The following ARHGEF11 variants were observed in gnomAD, a reference collection of about 807,000 sequenced individuals.
ARHGEF11 encodes the protein Rho guanine exchange factor (GEF) 11.
ARHGEF11 carries 55 observed loss-of-function variants against 193.7 expected under a neutral mutation model. The observed-to-expected ratio is 0.28, with a 90% CI of 0.23 to 0.36. The LOEUF is 0.36. Ranked by LOEUF, ARHGEF11 falls within the 10% of genes least tolerant of loss-of-function variation. The pLI is 1.00. For synonymous variants in ARHGEF11, 693 were observed against 768.0 expected (o/e 0.90, Z 1.62); for missense variants, 1,723 against 2,005.6 (o/e 0.86, Z 2.69).
Position 156,948,143 on chromosome 1 carries a change from A to C in ARHGEF11, c.2153+38T>G. The C allele has an allele frequency of 1.3e-6, 2 of 1,544,460 alleles. No homozygotes were observed. Among genetic ancestry groups the C allele is most frequent in the Non-Finnish European group, 1.7e-6 (2 of 1,143,844 alleles). Reference sequence around the variant, plus strand: ...GCAGCTGGGTGTGGATGGGACACAGAGACACCAAACAGAGGCACCACCGTG... The same window carrying C: ...GCAGCTGGGTGTGGATGGGACACAGCGACACCAAACAGAGGCACCACCGTG... On this transcript the variant is annotated intron_variant, in intron 24 of 40. Coordinates refer to ENST00000368194, the MANE Select transcript of ARHGEF11 (RefSeq NM_198236.3). This position sits in a 1 kb window ranked among gnomAD's most constrained non-coding sequence, Gnocchi z 4.2.
At chr1:157,028,700 T>C (rs993972345) in intron 1 of ARHGEF11, among the ~76,000 whole-genome samples, 4 of 152,160 alleles carry the variant, frequency 2.6e-5, no homozygotes, top group Admixed American at 2.0e-4. Flanking sequence ...ACCCCAATTT[T>C]TAAATGGGCA....
intron 25 of ARHGEF11, 51 bp from the exon 26 acceptor site, chr1:156,947,501 C>A (rs771792140): frequency 2.0e-6 from 3 of 1,516,232 alleles, no homozygotes; most frequent in South Asian, 1.3e-5. Context: ...GAAAACGGAT[C>A]AGCAAGTATC....
Position 156,936,800 on chromosome 1 carries a change from A to C in ARHGEF11, c.4630+16T>G, listed in dbSNP as rs1169903976. 4 of 1,609,094 alleles carry C rather than the reference A, an allele frequency of 2.5e-6. No homozygotes were observed. The highest frequency in any genetic ancestry group is 3.4e-6 in the Non-Finnish European group (4 of 1,176,888). On this transcript the variant is annotated intron_variant, in intron 40 of 40. Coordinates refer to ENST00000368194, the MANE Select transcript of ARHGEF11 (RefSeq NM_198236.3). The stretch of plus-strand genomic sequence containing the variant: ...CCCCCAATGGTAGGAACCGAGAGGG[A>C]CCTGGCTTCACTCACCATCCTCAGG...
upstream of ARHGEF11, among the ~76,000 whole-genome samples, chr1:157,046,342 C>T (rs1260476631): frequency 6.6e-6 from 1 of 152,156 alleles, no homozygotes; most frequent in Non-Finnish European, 1.5e-5. Flanking sequence ...TACCCCCTGC[C>T]CGCCCAGCCA....
At chr1:157,029,483 G>A (rs1046356566) in intron 1 of ARHGEF11, among the ~76,000 whole-genome samples, 1 of 152,070 alleles carries the variant, frequency 6.6e-6, no homozygotes, top group African/African-American at 2.4e-5. Flanking sequence ...TGTTGGTTAG[G>A]CTGGTCTTGA....
chr1:156,963,075 T>C (rs1377378510), intron 13 of ARHGEF11, 128 bp downstream of exon 13: 8 of 707,480 alleles, frequency 1.1e-5, no homozygotes, highest in Non-Finnish European at 1.9e-5. Flanking sequence ...CTATTTTGTC[T>C]GTCCTTGAAA....
rs1292246844 is a variant in ARHGEF11 at position 156,935,934 on chromosome 1, TG to T, written c.*65del. 7 of 1,535,796 alleles carry T rather than the reference TG, an allele frequency of 4.6e-6. No homozygotes were observed. In the African/African-American group the frequency reaches 8.2e-5, roughly 18 times the overall value. ...GAGTGTTGGGATCCCCCCTACCCTG[TG>T]CCCCGGTCTCAGGCCAGTCCCTGAA... On this transcript the variant is annotated 3_prime_UTR_variant, in exon 41 of 41. Transcript: ENST00000368194.
Position 156,971,763 on chromosome 1 carries a change from G to T in ARHGEF11, c.636C>A (p.Ile212=). 1 of 1,613,928 alleles carries T rather than the reference G, an allele frequency of 6.2e-7. No homozygotes were observed. Among genetic ancestry groups the T allele is most frequent in the South Asian group, 1.1e-5 (1 of 91,070 alleles). Reference sequence around the variant, plus strand: ...GAGTGACTCGCCGCCGGGCACCTTCGATCTGCTCTTCCAGTAGGCTGGCGG... The same window carrying T: ...GAGTGACTCGCCGCCGGGCACCTTCTATCTGCTCTTCCAGTAGGCTGGCGG... The part of the protein sequence containing the change: ...RNPASLLEEQ[I]EGARRRVTQL... The change falls in exon 8 of 41, where the codon ATC becomes ATA. Residue 212 remains isoleucine (I), a synonymous_variant. Coordinates refer to ENST00000368194, the MANE Select transcript of ARHGEF11 (RefSeq NM_198236.3).
At chr1:156,970,168 T>C (rs1415196681) in intron 8 of ARHGEF11, 125 bp from the exon 9 acceptor site, 28 of 759,722 alleles carry the variant, frequency 3.7e-5, no homozygotes, top group Non-Finnish European at 6.3e-5. Context: ...GCCTCAAAAA[T>C]GCCCAGCTAG....
At chr1:156,967,723 T>C (rs1194948842) in intron 11 of ARHGEF11, among the ~76,000 whole-genome samples, 4 of 152,234 alleles carry the variant, frequency 2.6e-5, no homozygotes, top group Non-Finnish European at 5.9e-5. Flanking sequence ...AAAGACCAGC[T>C]ATCCGCTCCT....
At chr1:156,937,213 G>A (rs1655614497) in intron 39 of ARHGEF11, 36 bp downstream of exon 39, 4 of 1,612,600 alleles carry the variant, frequency 2.5e-6, no homozygotes, top group Non-Finnish European at 2.5e-6. Flanking sequence ...GTGATGGACT[G>A]AAGGCCTGCA....
chr1:156,964,266 T>C (rs1488026736), intron 11 of ARHGEF11, among the ~76,000 whole-genome samples: 1 of 152,238 alleles, frequency 6.6e-6, no homozygotes, highest in Non-Finnish European at 1.5e-5. Flanking sequence ...AATAAAAACC[T>C]AATCTTAATG....
intron 39 of ARHGEF11, 111 bp from the exon 40 acceptor site, chr1:156,937,116 G>C (rs1655576303): frequency 6.4e-7 from 1 of 1,566,162 alleles, no homozygotes; most frequent in Non-Finnish European, 8.7e-7. Context: ...AGGGTGGCTG[G>C]GCGGGCTGGG....
chr1:156,941,278 G>T, intron 35 of ARHGEF11, 94 bp downstream of exon 35: 1 of 1,196,518 alleles, frequency 8.4e-7, no homozygotes, highest in Non-Finnish European at 1.2e-6. Context: ...CCCGGGCCCT[G>T]ATGGACTCTC....
intron 1 of ARHGEF11, among the ~76,000 whole-genome samples, chr1:157,030,560 C>T (rs959268242): frequency 9.2e-5 from 14 of 152,244 alleles, no homozygotes; most frequent in African/African-American, 3.1e-4. Flanking sequence ...ATTTCACTGT[C>T]TTTCACTACT....
intron 1 of ARHGEF11, among the ~76,000 whole-genome samples, chr1:157,004,087 T>C (rs1195034589): frequency 6.6e-6 from 1 of 152,214 alleles, no homozygotes; most frequent in African/African-American, 2.4e-5. Flanking sequence ...GAGAAACTAA[T>C]GTCTAAAAAG....
At chr1:156,957,694 A>C (rs1313957700) in intron 18 of ARHGEF11, 98 bp downstream of exon 18, 1 of 1,314,082 alleles carries the variant, frequency 7.6e-7, no homozygotes, top group Non-Finnish European at 1.1e-6. Context: ...GTACAACATG[A>C]GGGACTCCCC....
chr1:157,003,732 T>TA (rs1245212378), intron 1 of ARHGEF11, among the ~76,000 whole-genome samples: 1 of 152,198 alleles, frequency 6.6e-6, no homozygotes, highest in African/African-American at 2.4e-5. Flanking sequence ...GACAACTATT[T>TA]ATACGTCTGC....
intron 2 of ARHGEF11, among the ~76,000 whole-genome samples, chr1:156,984,881 C>T (rs984208529): frequency 2.6e-5 from 4 of 152,026 alleles, no homozygotes; most frequent in Admixed American, 6.5e-5. Context: ...TATACCAATG[C>T]TTGTTGATTC....
Sources: allele counts gnomAD v4.1 joint callset (sites outside exome capture counted in the v4.1 genomes callset), GRCh38; gene constraint gnomAD v4.1.1; non-coding constraint Gnocchi (gnomAD v3.1); transcripts MANE v1.5; gene names NCBI Gene and HGNC (gene_info 2026-07-23, HGNC 2026-07-21).